The following CUX2 variants were observed in gnomAD, a reference collection of about 807,000 sequenced individuals.
The protein encoded by CUX2 is cut like homeobox 2.
A neutral mutation model predicts 144.8 loss-of-function variants in CUX2; 40 were observed. The observed-to-expected ratio is 0.28, with a 90% CI of 0.21 to 0.36. CUX2 has a LOEUF of 0.36. Ranked by LOEUF, CUX2 falls within the 10% of genes least tolerant of loss-of-function variation. The pLI, the probability that CUX2 is intolerant of heterozygous loss-of-function variation, is 1.00. For synonymous variants in CUX2, 827 were observed against 875.6 expected, an observed-to-expected ratio of 0.94 and a Z score of 0.98; for missense variants, 1,615 against 1,994.0, an observed-to-expected ratio of 0.81 and a Z score of 3.62.
chr12:111,348,376 G>A lies in CUX2; in HGVS notation c.*51G>A, dbSNP rs142069226. 61 of 1,509,388 alleles carry A rather than the reference G, an allele frequency of 4.0e-5. No homozygotes were observed. In the Middle Eastern group the frequency reaches 7.0e-4, roughly 17 times the overall value. The allele number at this position is 1,509,388 out of a possible 1,614,324, so 93.5% of individuals were successfully genotyped here. A position where few individuals can be genotyped will look rare whatever the true frequency, so the allele number is the denominator to read the frequency against. ...TACCCTGGTAACTACCTTCCTTCTCGCACTTACTCTCCTCAACAGGATGGG... is the reference window on the plus strand; with the variant it reads ...TACCCTGGTAACTACCTTCCTTCTCACACTTACTCTCCTCAACAGGATGGG... On this transcript the variant is annotated 3_prime_UTR_variant, in exon 22 of 22. Transcript: ENST00000261726.
chr12:111,328,976 C>CTCCCCCCCCTCT (rs1887960160), intron 18 of CUX2, among the ~76,000 whole-genome samples: 1 of 30,840 alleles, frequency 3.2e-5, no homozygotes, highest in African/African-American at 2.7e-4. Context: ...TCTCTCTCTC[C>CTCCCCCCCCTCT]CCCTCTCTCC....
chr12:111,344,379 T>G (rs1888706802), intron 21 of CUX2, among the ~76,000 whole-genome samples: 1 of 152,194 alleles, frequency 6.6e-6, no homozygotes, highest in Non-Finnish European at 1.5e-5. Flanking sequence ...AAAAGGGAAT[T>G]CTGCCTGGGG....
At chr12:111,206,336 A>G (rs1880918525) in intron 1 of CUX2, among the ~76,000 whole-genome samples, 1 of 152,222 alleles carries the variant, frequency 6.6e-6, no homozygotes, top group Admixed American at 6.5e-5. Flanking sequence ...TGTCTAAGAA[A>G]AAAAAAGTTA....
chr12:111,060,379 A>G (rs980050319), intron 1 of CUX2, among the ~76,000 whole-genome samples: 1 of 152,234 alleles, frequency 6.6e-6, no homozygotes, highest in East Asian at 1.9e-4. Flanking sequence ...CCGTACAAAC[A>G]GACACACTTC....
intron 3 of CUX2, among the ~76,000 whole-genome samples, chr12:111,242,947 T>A (rs1883102131): frequency 6.6e-6 from 1 of 152,186 alleles, no homozygotes; most frequent in Non-Finnish European, 1.5e-5. Flanking sequence ...AGTGTGAACA[T>A]GAGGTGTTTG....
intron 1 of CUX2, among the ~76,000 whole-genome samples, chr12:111,179,086 T>C (rs748940621): frequency 1.3e-5 from 2 of 152,122 alleles, no homozygotes; most frequent in Non-Finnish European, 2.9e-5. Context: ...GAGATCAGAC[T>C]GGACAGGGCA....
At chr12:111,268,760 C>T (rs112374151) in intron 4 of CUX2, among the ~76,000 whole-genome samples, 4 of 152,350 alleles carry the variant, frequency 2.6e-5, no homozygotes, top group South Asian at 2.1e-4. Context: ...ATAATGTCTC[C>T]GCTCTCATCA....
chr12:111,295,543 G>A lies in CUX2; in HGVS notation c.637+134G>A, dbSNP rs1885928647. 2.8e-6 allele frequency: 2 copies of A among 717,626 alleles called. No individual in the cohort carries two copies. Among genetic ancestry groups the A allele is most frequent in the Admixed American group, 3.2e-5 (1 of 31,466 alleles). 44.5% of individuals were successfully genotyped at this position (717,626 alleles called of 1,614,324 possible). On this transcript the variant is annotated intron_variant, in intron 7 of 21. Coordinates refer to ENST00000261726, the MANE Select transcript of CUX2 (RefSeq NM_015267.4). The surrounding 1 kb of genome is among the most constrained non-coding windows in gnomAD (Gnocchi z 5.0). ...AGAGGGCAAAATGGGAGTTTGGGAAGAATAATCTTACCCAGTGGGGGGCTG... is the reference window on the plus strand; with the variant it reads ...AGAGGGCAAAATGGGAGTTTGGGAAAAATAATCTTACCCAGTGGGGGGCTG...
Position 111,310,689 on chromosome 12 carries a change from G to A in CUX2, c.1900+7G>A, listed in dbSNP as rs1361142700. On this transcript the variant is annotated splice_region_variant and intron_variant, in intron 15 of 21. Coordinates refer to ENST00000261726, the MANE Select transcript of CUX2 (RefSeq NM_015267.4). The surrounding 1 kb of genome is among the most constrained non-coding windows in gnomAD (Gnocchi z 7.9). ...ATCCAAGTGCGGCAGCGAGGTGAGT[G>A]CCCAAGAGGGCCCGTCCCCGCTGGC... The A allele has an allele frequency of 3.8e-5, 60 of 1,572,800 alleles. No individual in the cohort carries two copies. Among genetic ancestry groups the A allele is most frequent in the Non-Finnish European group, 5.0e-5 (58 of 1,153,810 alleles).
intron 1 of CUX2, among the ~76,000 whole-genome samples, chr12:111,131,391 G>A (rs1875468600): frequency 6.6e-6 from 1 of 152,070 alleles, no homozygotes; most frequent in African/African-American, 2.4e-5. Context: ...ATTTGGGTTG[G>A]GGCACAGCCA....
chr12:111,195,650 G>A (rs1880192482), intron 1 of CUX2, among the ~76,000 whole-genome samples: 2 of 152,212 alleles, frequency 1.3e-5, no homozygotes, highest in South Asian at 2.1e-4. Context: ...CCTTGGGTCT[G>A]CCATCTGTGA....
chr12:111,300,449 A>G (rs1447969149), intron 9 of CUX2, among the ~76,000 whole-genome samples: 1 of 152,158 alleles, frequency 6.6e-6, no homozygotes, highest in Admixed American at 6.5e-5. Flanking sequence ...ATGATAATAT[A>G]CTATGCATAC....
rs1052340489 is a variant in CUX2, at chr12:111,320,518, G to A, written c.2509G>A (p.Glu837Lys). The A allele has an allele frequency of 8.9e-6, 14 of 1,570,514 alleles. No individual in the cohort carries two copies. Among genetic ancestry groups the A allele is most frequent in the Admixed American group, 3.5e-5 (2 of 56,464 alleles). The change falls in exon 17 of 22, where the codon GAG (glutamate) becomes AAG (lysine). Residue 837 changes from glutamate to lysine, a missense_variant. This residue lies in a region of CUX2 where 390 missense variants were observed against 387.1 expected (regional missense o/e 1.01). Transcript: ENST00000261726. This position sits in a 1 kb window ranked among gnomAD's most constrained non-coding sequence, Gnocchi z 8.1. The stretch of plus-strand genomic sequence containing the variant: ...CGAGGCCCCTGTGCCCCCCGAGGAC[G>A]AGGCGGCGGCAGGGGCGGAGGACGA... ...GDEAPVPPED[E>K]AAAGAEDEPP...
chr12:111,128,466 G>A (rs1164158880), intron 1 of CUX2, among the ~76,000 whole-genome samples: 5 of 152,180 alleles, frequency 3.3e-5, no homozygotes, highest in Admixed American at 3.3e-4. Context: ...TGGGGACCAT[G>A]GGCATTTGGG....
chr12:111,263,748 G>A lies in CUX2; in HGVS notation c.223-13G>A. The A allele has an allele frequency of 6.2e-7, 1 of 1,610,380 alleles. No individual in the cohort carries two copies. ...ATGGTTACACGTGACTCTTTCTCTTGTTGTCTCCAAAGGTGGTGGCCCTTA... is the reference window on the plus strand; with the variant it reads ...ATGGTTACACGTGACTCTTTCTCTTATTGTCTCCAAAGGTGGTGGCCCTTA... On this transcript the variant is annotated splice_polypyrimidine_tract_variant and intron_variant, in intron 3 of 21. Coordinates refer to ENST00000261726, the MANE Select transcript of CUX2 (RefSeq NM_015267.4). The surrounding 1 kb of genome is among the most constrained non-coding windows in gnomAD (Gnocchi z 4.0).
intron 19 of CUX2, among the ~76,000 whole-genome samples, chr12:111,337,654 C>G (rs954165675): frequency 4.6e-5 from 7 of 152,232 alleles, no homozygotes; most frequent in African/African-American, 1.7e-4. Context: ...GTCAAATTAT[C>G]CTCCAACACG....
chr12:111,328,984 T>TCTCCCTCC (rs1592975212), intron 18 of CUX2, among the ~76,000 whole-genome samples: 3 of 93,060 alleles, frequency 3.2e-5, no homozygotes, highest in African/African-American at 4.6e-5. Context: ...TCCCCCTCTC[T>TCTCCCTCC]CCCTCTCTCC....
At chr12:111,290,190 C>T (rs934661073) in intron 4 of CUX2, among the ~76,000 whole-genome samples, 1 of 152,182 alleles carries the variant, frequency 6.6e-6, no homozygotes, top group Non-Finnish European at 1.5e-5. Context: ...CATGGTGAGA[C>T]TTGTCTCTAC....
chr12:111,265,501 C>T (rs1383932264), intron 4 of CUX2, among the ~76,000 whole-genome samples: 1 of 151,814 alleles, frequency 6.6e-6, no homozygotes, highest in African/African-American at 2.4e-5. Flanking sequence ...ACCACCATTC[C>T]CGGCTAATTT....
Sources: gnomAD v4.1 joint callset for allele counts (sites outside exome capture counted in the v4.1 genomes callset) on GRCh38, gnomAD v4.1.1 for gene constraint, gnomAD v4.1.1 regional missense constraint, Gnocchi (gnomAD v3.1) non-coding constraint, MANE v1.5 for transcripts, NCBI Gene and HGNC (gene_info 2026-07-23, HGNC 2026-07-21) for gene names.